The following TBX4 variants were observed in gnomAD, a reference collection of about 807,000 sequenced individuals.
TBX4 encodes the protein T-box transcription factor 4.
Under a neutral mutation model 54.6 loss-of-function variants are expected in TBX4, and 13 were observed. The observed-to-expected ratio is 0.24, with a 90% confidence interval of 0.15 to 0.38. The LOEUF (loss-of-function observed/expected upper bound fraction) is 0.38, where lower values mean the gene tolerates loss of function less well. TBX4 is among the 10% of genes least tolerant of loss of function. The pLI is 1.00. For synonymous variants in TBX4, 314 were observed against 306.7 expected (o/e 1.02, Z -0.25); for missense variants, 631 against 728.5 (o/e 0.87, Z 1.54).
At chr17:61,473,664 C>T (rs980768963) in intron 5 of TBX4, among the ~76,000 whole-genome samples, 1 of 152,274 alleles carries the variant, frequency 6.6e-6, no homozygotes, top group Non-Finnish European at 1.5e-5. Flanking sequence ...AGTACCAATT[C>T]TGGCTGTGCC....
chr17:61,469,834 G>A (rs1056078223), intron 5 of TBX4, among the ~76,000 whole-genome samples: 4 of 152,206 alleles, frequency 2.6e-5, no homozygotes, highest in African/African-American at 4.8e-5. Flanking sequence ...TCCCATTGAA[G>A]GATGAAGGAG....
chr17:61,483,446 CCTT>C lies in TBX4; in HGVS notation c.1572_1574del (p.Leu525del). On this transcript the variant is annotated inframe_deletion, in exon 9 of 9. Transcript: ENST00000644296. The surrounding 1 kb of genome is among the most constrained non-coding windows in gnomAD (Gnocchi z 6.6). Reference sequence around the variant, plus strand: ...GAGTTTCTCTACTCTCAAACCTTCTCCTTGTCCCGAGAATCTTCCTTACAGTAC... The same window carrying C: ...GAGTTTCTCTACTCTCAAACCTTCTCGTCCCGAGAATCTTCCTTACAGTAC... 1 of 1,614,182 alleles carries C rather than the reference CCTT, an allele frequency of 6.2e-7. No homozygotes were observed. The highest frequency in any genetic ancestry group is 8.5e-7 in the Non-Finnish European group (1 of 1,180,028).
chr17:61,460,601 C>T lies in TBX4; in HGVS notation c.281+2970C>T, dbSNP rs534118813. Among the ~76,000 whole-genome samples the T allele has an allele frequency of 6.6e-6, 1 of 152,310 alleles. No individual in the cohort carries two copies. Among genetic ancestry groups the T allele is most frequent in the South Asian group, 2.1e-4 (1 of 4,828 alleles). On this transcript the variant is annotated intron_variant, in intron 3 of 8. Coordinates refer to ENST00000644296, the MANE Select transcript of TBX4 (RefSeq NM_001321120.2). This position sits in a 1 kb window ranked among gnomAD's most constrained non-coding sequence, Gnocchi z 4.4. ...CAGCCCGTCTCAGTCTCTTGGGTCT[C>T]TGTGTCCAGAGGGTTCGTGCTGATA...
intron 4 of TBX4, among the ~76,000 whole-genome samples, chr17:61,466,517 T>C (rs2060538527): frequency 6.6e-6 from 1 of 152,126 alleles, no homozygotes; most frequent in Non-Finnish European, 1.5e-5. Context: ...GCCAGGTAAA[T>C]AAACGCTGGG....
At chr17:61,456,182 G>A (rs1464444560) in intron 1 of TBX4, among the ~76,000 whole-genome samples, 1 of 152,200 alleles carries the variant, frequency 6.6e-6, no homozygotes, top group East Asian at 1.9e-4. Context: ...GGGACTCGGG[G>A]TGCAGCTGTG....
rs531368539 is a variant in TBX4, at chr17:61,474,116, G to T, written c.550-4511G>T. On this transcript the variant is annotated intron_variant, in intron 5 of 8. Coordinates refer to ENST00000644296, the MANE Select transcript of TBX4 (RefSeq NM_001321120.2). This position sits in a 1 kb window ranked among gnomAD's most constrained non-coding sequence, Gnocchi z 4.6. ...GTCACTGTCCTAACCTCTTTGTAGG[G>T]CTGGGGAGGATCAGAAGGATGATGG... Among the ~76,000 whole-genome samples the T allele has an allele frequency of 4.0e-4, 61 of 152,290 alleles. No homozygotes were observed. Among genetic ancestry groups the T allele is most frequent in the African/African-American group, 1.4e-3 (60 of 41,544 alleles).
At chr17:61,454,452 C>T (rs1385666848) in intron 1 of TBX4, among the ~76,000 whole-genome samples, 1 of 152,252 alleles carries the variant, frequency 6.6e-6, no homozygotes, top group Non-Finnish European at 1.5e-5. Flanking sequence ...GAGTGCGGGA[C>T]CCCGCGGTGC....
chr17:61,480,156 C>T lies in TBX4; in HGVS notation c.858C>T (p.Ala286=). The change falls in exon 8 of 9, where the codon GCC becomes GCT. Residue 286 remains alanine (A), a synonymous_variant. Transcript: ENST00000644296. The surrounding 1 kb of genome is among the most constrained non-coding windows in gnomAD (Gnocchi z 6.2). ...GGCTCATCTCCCCCCAGCTCTCAGC[C>T]ACACCGGACGTGGGCCCCCTGCTCG... ...RQRLISPQLS[A]TPDVGPLLGT... is the part of the protein sequence containing the mutation. 6.2e-7 allele frequency: 1 copy of T among 1,614,178 alleles called. No individual in the cohort carries two copies. The highest frequency in any genetic ancestry group is 8.5e-7 in the Non-Finnish European group (1 of 1,180,028).
rs759661113 is a variant in TBX4, at chr17:61,467,159, G to GA, written c.402-342dup. Among the ~76,000 whole-genome samples, 13 of 151,472 alleles carry GA rather than the reference G, an allele frequency of 8.6e-5. No individual in the cohort carries two copies. In the East Asian group the frequency reaches 1.4e-3, roughly 16 times the overall value. On this transcript the variant is annotated intron_variant, in intron 4 of 8. Transcript: ENST00000644296. ...AGAGTGAGAACCTGTCTCTTAAAAA[G>GA]AAAAAAAAATTTTAAATCATAAGTG...
chr17:61,483,775 T>C lies in TBX4; in HGVS notation c.*259T>C. On this transcript the variant is annotated 3_prime_UTR_variant, in exon 9 of 9. Transcript: ENST00000644296. The surrounding 1 kb of genome is among the most constrained non-coding windows in gnomAD (Gnocchi z 6.6). ...ATTTTGGCTGCAGGACCTGGGTCTA[T>C]TGTTATCTGACATCTCTTGACATGC... The C allele has an allele frequency of 2.0e-6, 1 of 499,144 alleles. No homozygotes were observed. The allele number at this position is 499,144 out of a possible 1,614,324, so 30.9% of individuals were successfully genotyped here. A position where few individuals can be genotyped will look rare whatever the true frequency, so the allele number is the denominator to read the frequency against.
chr17:61,454,557 G>C (rs1364428618), intron 1 of TBX4, among the ~76,000 whole-genome samples: 1 of 152,260 alleles, frequency 6.6e-6, no homozygotes, highest in Non-Finnish European at 1.5e-5. Context: ...GAAATTGCTG[G>C]GAAGGGGGCA....
In TBX4 at chr17:61,455,523, G is replaced by A. The variant is rs1050243699; in HGVS notation, c.-3-965G>A. 1.2e-4 allele frequency among the ~76,000 whole-genome samples: 19 copies of A among 152,374 alleles called. No individual in the cohort carries two copies. In the East Asian group the frequency reaches 2.5e-3, roughly 20 times the overall value. The stretch of plus-strand genomic sequence containing the variant: ...CCCGAGGCCCCAGGACCTGCTTCGG[G>A]CAGGGAGCAGGCACCTGAGTAGGCG... On this transcript the variant is annotated intron_variant, in intron 1 of 8. Transcript: ENST00000644296.
intron 5 of TBX4, among the ~76,000 whole-genome samples, chr17:61,471,399 A>G (rs1029029038): frequency 6.6e-6 from 1 of 152,252 alleles, no homozygotes; most frequent in Non-Finnish European, 1.5e-5. Flanking sequence ...ATTTATGAAT[A>G]GGAAATACTT....
At chr17:61,467,373 G>A in intron 4 of TBX4, 137 bp from the exon 5 acceptor site, 1 of 947,628 alleles carries the variant, frequency 1.1e-6, no homozygotes, top group Non-Finnish European at 1.7e-6. Flanking sequence ...TACCCTTGAA[G>A]TACTAATTTG....
rs2060661790 is a variant in TBX4 at position 61,481,310 on chromosome 17, C to T, written c.1021+991C>T. ...AAAGTTTTATTGGAACACAGCCATA[C>T]CCATTTACTTACAGGTTGTCTACGG... On this transcript the variant is annotated intron_variant, in intron 8 of 8. Coordinates refer to ENST00000644296, the MANE Select transcript of TBX4 (RefSeq NM_001321120.2). The surrounding 1 kb of genome is among the most constrained non-coding windows in gnomAD (Gnocchi z 4.8). The T allele has an allele frequency of 1.3e-5, 2 of 152,198 alleles. No homozygotes were observed. Among genetic ancestry groups the T allele is most frequent in the Non-Finnish European group, 2.9e-5 (2 of 68,034 alleles). The allele number at this position is 152,198 out of a possible 1,614,324, so 9.4% of individuals were successfully genotyped here.
Position 61,478,882 on chromosome 17 carries a change from C to T in TBX4, c.702+103C>T. The T allele has an allele frequency of 1.3e-6, 2 of 1,584,564 alleles. No individual in the cohort carries two copies. The highest frequency in any genetic ancestry group is 1.1e-5 in the South Asian group (1 of 89,968). On this transcript the variant is annotated intron_variant, in intron 6 of 8. Transcript: ENST00000644296. This position sits in a 1 kb window ranked among gnomAD's most constrained non-coding sequence, Gnocchi z 7.4. ...GTGTGAAGCCAGAGTCCCAGCAGGG[C>T]TTGGGCAGGCCCAGTGCAGGGACCT...
chr17:61,465,971 C>T lies in TBX4; in HGVS notation c.401+33C>T. On this transcript the variant is annotated intron_variant, in intron 4 of 8. Coordinates refer to ENST00000644296, the MANE Select transcript of TBX4 (RefSeq NM_001321120.2). This position sits in a 1 kb window ranked among gnomAD's most constrained non-coding sequence, Gnocchi z 4.9. ...GACCCTGACCGCATCACCCACGTTC[C>T]CTCAACTGCCCACTTGCCACGCCCC... The T allele has an allele frequency of 6.2e-7, 1 of 1,612,562 alleles. No homozygotes were observed. The highest frequency in any genetic ancestry group is 8.5e-7 in the Non-Finnish European group (1 of 1,178,992).
At chr17:61,466,489 G>T (rs2060538390) in intron 4 of TBX4, among the ~76,000 whole-genome samples, 1 of 152,318 alleles carries the variant, frequency 6.6e-6, no homozygotes, top group East Asian at 1.9e-4. Flanking sequence ...GAGAGGTAAA[G>T]GGACAAAACC....
Position 61,480,369 on chromosome 17 carries a change from G to A in TBX4, c.1021+50G>A. On this transcript the variant is annotated intron_variant, in intron 8 of 8. Transcript: ENST00000644296. This position sits in a 1 kb window ranked among gnomAD's most constrained non-coding sequence, Gnocchi z 6.2. Reference sequence around the variant, plus strand: ...CCTAGAGGGTAAGAGGAGCGGTGAGGTTCTCCCCGAAACCACTCTGCAGCG... The same window carrying A: ...CCTAGAGGGTAAGAGGAGCGGTGAGATTCTCCCCGAAACCACTCTGCAGCG... The A allele has an allele frequency of 6.7e-7, 1 of 1,483,422 alleles. No homozygotes were observed. The highest frequency in any genetic ancestry group is 9.2e-7 in the Non-Finnish European group (1 of 1,089,694). 91.9% of individuals were successfully genotyped at this position (1,483,422 alleles called of 1,614,324 possible). A position where few individuals can be genotyped will look rare whatever the true frequency, so the allele number is the denominator to read the frequency against.
Sources: gnomAD v4.1 joint callset for allele counts (sites outside exome capture counted in the v4.1 genomes callset) on GRCh38, gnomAD v4.1.1 for gene constraint, Gnocchi (gnomAD v3.1) non-coding constraint, MANE v1.5 for transcripts, NCBI Gene and HGNC (gene_info 2026-07-23, HGNC 2026-07-21) for gene names.